ZFC3H1: variants seen among roughly 807,000 people sequenced by gnomAD.
ZFC3H1 encodes zinc finger C3H1 domain-containing protein.
A neutral mutation model predicts 243.7 loss-of-function variants in ZFC3H1; 71 were observed. That is an observed-to-expected ratio of 0.29 (90% confidence interval 0.24 to 0.36). The LOEUF (loss-of-function observed/expected upper bound fraction) is 0.36. Ranked by LOEUF, ZFC3H1 falls within the 10% of genes least tolerant of loss-of-function variation. The pLI is 1.00. For missense variants in ZFC3H1, 1,966 were observed against 2,317.1 expected, an observed-to-expected ratio of 0.85 and a Z score of 3.11; for synonymous variants, 838 against 813.0, an observed-to-expected ratio of 1.03 and a Z score of -0.52.
chr12:71,657,782 A>C (rs547538544), intron 1 of ZFC3H1, among the ~76,000 whole-genome samples: 1 of 152,250 alleles, frequency 6.6e-6, no homozygotes, highest in African/African-American at 2.4e-5. Flanking sequence ...TGAGGTCAGG[A>C]GTTTGAGACC....
At chr12:71,633,542 T>G (rs919628238) in intron 12 of ZFC3H1, 104 bp from the exon 13 acceptor site, 3 of 830,862 alleles carry the variant, frequency 3.6e-6, no homozygotes, top group Non-Finnish European at 5.5e-6. Context: ...AAAATGCATC[T>G]ACGAGACACA....
chr12:71,615,250 A>T lies in ZFC3H1; in HGVS notation c.5211T>A (p.Asp1737Glu). The change falls in exon 28 of 35, where the codon GAT becomes GAA. Residue 1737 changes from aspartate to glutamate, a missense_variant. Physicochemically the swap from Asp to Glu is conservative, Grantham distance 45 (BLOSUM62 2). This residue lies in a region of ZFC3H1 where 1,383 missense variants were observed against 1,723.7 expected (regional missense o/e 0.80). Coordinates refer to ENST00000378743, the MANE Select transcript of ZFC3H1 (RefSeq NM_144982.5). ...PSRLCKGNFD[D>E]DMFNHQVPYL... The stretch of plus-strand genomic sequence containing the variant: ...AAGGAACTTGGTGGTTAAACATATC[A>T]TCATCAAAATTCCCTTTACATAAAC... 6.2e-7 allele frequency: 1 copy of T among 1,613,832 alleles called. No individual in the cohort carries two copies.
At position 71,645,005 on chromosome 12, in the gene ZFC3H1, T is replaced by C. The variant is rs758626361; in HGVS notation, c.1151A>G (p.Lys384Arg). The change falls in exon 4 of 35, where the codon AAA becomes AGA. Residue 384 changes from lysine (K) to arginine (R), a missense_variant. Lys to Arg is a conservative substitution (Grantham distance 26). This residue lies in a region of ZFC3H1 where 91 missense variants were observed against 107.6 expected (regional missense o/e 0.85). Coordinates refer to ENST00000378743, the MANE Select transcript of ZFC3H1 (RefSeq NM_144982.5). Reference sequence around the variant, plus strand: ...CTGCTGTTCTTTTTGTTGCCATTTTTTACTGGCTGACTGAAGAGCCAAAAG... The same window carrying C: ...CTGCTGTTCTTTTTGTTGCCATTTTCTACTGGCTGACTGAAGAGCCAAAAG... ...LRLLALQSAS[K>R]KWQQKEQQVM... The C allele has an allele frequency of 2.5e-6, 4 of 1,613,762 alleles. No homozygotes were observed. Among genetic ancestry groups the C allele is most frequent in the Admixed American group, 1.7e-5 (1 of 60,000 alleles).
intron 19 of ZFC3H1, 133 bp from the exon 20 acceptor site, chr12:71,629,170 T>G: frequency 1.1e-6 from 1 of 897,082 alleles, no homozygotes; most frequent in Non-Finnish European, 1.6e-6. Context: ...TTTTTTTTTT[T>G]TTTGAGATGG....
chr12:71,622,227 T>C (rs1880048795), intron 24 of ZFC3H1, among the ~76,000 whole-genome samples: 1 of 152,186 alleles, frequency 6.6e-6, no homozygotes, highest in African/African-American at 2.4e-5. Context: ...AAGCACTTAA[T>C]AATTTGCCAG....
intron 2 of ZFC3H1, among the ~76,000 whole-genome samples, chr12:71,655,952 G>T (rs1311714277): frequency 2.0e-5 from 3 of 151,854 alleles, no homozygotes. Context: ...AGTATGATGG[G>T]ATACACAGAA....
In ZFC3H1 at chr12:71,618,147, C is replaced by T. The variant is rs190052864; in HGVS notation, c.5144+1168G>A. On this transcript the variant is annotated intron_variant, in intron 27 of 34. Transcript: ENST00000378743. ...GGGCGTGGGGGTGTGCGCCTGTAAT[C>T]CCAGCTACTCAGGAGGCTGAGGCAG... Among the ~76,000 whole-genome samples the T allele has an allele frequency of 6.6e-3, 1,007 of 152,030 alleles. 13 individuals are homozygous for T. Among genetic ancestry groups the T allele is most frequent in the African/African-American group, 0.022 (923 of 41,434 alleles).
At chr12:71,661,006 A>T (rs1298142536) in intron 1 of ZFC3H1, among the ~76,000 whole-genome samples, 3 of 151,862 alleles carry the variant, frequency 2.0e-5, no homozygotes, top group African/African-American at 7.2e-5. Flanking sequence ...AAAAAAATTT[A>T]AAAACCATCC....
In ZFC3H1 at chr12:71,624,229, G is replaced by A; in HGVS notation, c.4381C>T (p.Leu1461=). 2 of 1,614,022 alleles carry A rather than the reference G, an allele frequency of 1.2e-6. No individual in the cohort carries two copies. Among genetic ancestry groups the A allele is most frequent in the South Asian group, 1.1e-5 (1 of 91,074 alleles). Residue 1461 remains leucine, a synonymous_variant, in exon 23 of 35, where the codon CTG becomes TTG. Coordinates refer to ENST00000378743, the MANE Select transcript of ZFC3H1 (RefSeq NM_144982.5). ...DYVCERMLEF[L]MGAAKQETSN... ...GTTTCCTGCTTGGCTGCTCCCATCAGAAACTCCAACATTCTCTCACATACG... is the reference window on the plus strand; with the variant it reads ...GTTTCCTGCTTGGCTGCTCCCATCAAAAACTCCAACATTCTCTCACATACG...
chr12:71,644,690 C>T (rs1376228927), intron 4 of ZFC3H1, among the ~76,000 whole-genome samples, 187 bp downstream of exon 4: 8 of 152,032 alleles, frequency 5.3e-5, no homozygotes, highest in Admixed American at 1.3e-4. Context: ...TGGTGGTGGG[C>T]GCCTGTAATC....
intron 6 of ZFC3H1, 120 bp from the exon 7 acceptor site, chr12:71,638,635 C>G: frequency 7.5e-6 from 6 of 802,680 alleles, no homozygotes; most frequent in Non-Finnish European, 1.1e-5. Context: ...TTTTATCAAC[C>G]TCTGATAAAA....
Position 71,634,045 on chromosome 12 carries a change from T to A in ZFC3H1, c.2510+110A>T, listed in dbSNP as rs557272856. 1,236 of 1,115,910 alleles carry A rather than the reference T, an allele frequency of 1.1e-3. 37 individuals carry two copies. The South Asian group carries it at 0.019, about 17-fold the overall frequency. The allele number at this position is 1,115,910 out of a possible 1,614,324, so 69.1% of individuals were successfully genotyped here. A position where few individuals can be genotyped will look rare whatever the true frequency, so the allele number is the denominator to read the frequency against. ...GACAGACTTCTACATTCTACAAAGT[T>A]TAAGTGAGAAAATGTATAATCTTAT... On this transcript the variant is annotated intron_variant, in intron 12 of 34. Coordinates refer to ENST00000378743, the MANE Select transcript of ZFC3H1 (RefSeq NM_144982.5).
intron 12 of ZFC3H1, 134 bp from the exon 13 acceptor site, chr12:71,633,572 G>C: frequency 1.6e-6 from 1 of 639,860 alleles, no homozygotes. Flanking sequence ...GTAAAGGGAT[G>C]AATATTTTTA....
intron 2 of ZFC3H1, among the ~76,000 whole-genome samples, chr12:71,651,572 G>A (rs1880887713): frequency 6.6e-6 from 1 of 152,178 alleles, no homozygotes; most frequent in Admixed American, 6.5e-5. Flanking sequence ...TTTGCAATTA[G>A]GTCACAGAAA....
intron 2 of ZFC3H1, among the ~76,000 whole-genome samples, chr12:71,648,048 C>T (rs571612429): frequency 2.6e-5 from 4 of 152,166 alleles, no homozygotes; most frequent in African/African-American, 9.6e-5. Context: ...TAAAATAAAG[C>T]CACACTTTTA....
chr12:71,621,623 T>C (rs1880031353), intron 24 of ZFC3H1, among the ~76,000 whole-genome samples: 1 of 152,026 alleles, frequency 6.6e-6, no homozygotes, highest in Non-Finnish European at 1.5e-5. Flanking sequence ...ACTTCCTTAT[T>C]TCCTACCGCC....
At chr12:71,631,335 A>C (rs978432817) in intron 16 of ZFC3H1, among the ~76,000 whole-genome samples, 1 of 152,144 alleles carries the variant, frequency 6.6e-6, no homozygotes, top group Non-Finnish European at 1.5e-5. Flanking sequence ...AAAAACATGC[A>C]ACCCTTTAAC....
intron 1 of ZFC3H1, among the ~76,000 whole-genome samples, chr12:71,660,840 G>T (rs1298312138): frequency 6.6e-6 from 1 of 151,862 alleles, no homozygotes; most frequent in African/African-American, 2.4e-5. Flanking sequence ...CATATAAACT[G>T]GTGGCTCTCG....
At chr12:71,647,599 ATTTC>A (rs1880760789) in intron 3 of ZFC3H1, 146 bp downstream of exon 3, 2 of 493,772 alleles carry the variant, frequency 4.1e-6, no homozygotes, top group Non-Finnish European at 7.1e-6. Context: ...TCGATCCAGA[ATTTC>A]TTTAAGGCTT....
Sources: gnomAD v4.1 joint callset for allele counts (sites outside exome capture counted in the v4.1 genomes callset) on GRCh38, gnomAD v4.1.1 for gene constraint, gnomAD v4.1.1 regional missense constraint, MANE v1.5 for transcripts, NCBI Gene and HGNC (gene_info 2026-07-23, HGNC 2026-07-21) for gene names.